The following PNKD variants were observed in gnomAD, a reference collection of about 807,000 sequenced individuals.
PNKD encodes PNKD metallo-beta-lactamase domain containing, also known as probable thioesterase PNKD.
In PNKD, 36 loss-of-function variants were observed where a neutral mutation model predicts 45.3. That is an observed-to-expected ratio of 0.80 (90% CI 0.61 to 1.05). The LOEUF (loss-of-function observed/expected upper bound fraction) is 1.05, where lower values mean the gene tolerates loss of function less well. PNKD is among the 50% of genes least tolerant of loss of function. The probability of loss-of-function intolerance (pLI) is 0.00; values close to 1 mark genes in which losing one functional copy is unlikely to be tolerated. For synonymous variants in PNKD, 197 were observed against 210.1 expected (o/e 0.94, Z 0.54); for missense variants, 511 against 506.6 (o/e 1.01, Z -0.08).
chr2:218,323,860 G>T (rs1460177382), intron 2 of PNKD, among the ~76,000 whole-genome samples: 3 of 152,142 alleles, frequency 2.0e-5, no homozygotes, highest in Non-Finnish European at 4.4e-5. Context: ...CCCACCGTCT[G>T]ACATTTAAAA....
intron 2 of PNKD, among the ~76,000 whole-genome samples, chr2:218,289,625 G>GAA (rs10675061): frequency 0.43 from 38,089 of 87,728 alleles, 9,572 homozygotes; most frequent in Middle Eastern, 0.54. Flanking sequence ...CTGGGCGACA[G>GAA]AAAAAAAAAA....
chr2:218,327,962 GAAA>G (rs72151766), intron 2 of PNKD: 65,667 of 122,370 alleles, frequency 0.54, 18,288 homozygotes, highest in South Asian at 0.68. Flanking sequence ...AACTCCATCT[GAAA>G]AAAAAAAAAA....
At chr2:218,337,903 C>T (rs569933695) in intron 2 of PNKD, among the ~76,000 whole-genome samples, 1 of 152,254 alleles carries the variant, frequency 6.6e-6, no homozygotes, top group Admixed American at 6.5e-5. Context: ...AATCCCAGCA[C>T]TTTGGGAGGC....
chr2:218,315,057 T>TTCCTTCCTTCCTTCCTTC (rs1553667776), intron 2 of PNKD, among the ~76,000 whole-genome samples: 11 of 55,636 alleles, frequency 2.0e-4, no homozygotes, highest in African/African-American at 6.0e-4. Context: ...TTTCTTTCTT[T>TTCCTTCCTTCCTTCCTTC]CTTCCTTCCT....
At chr2:218,304,798 G>A (rs1693365551) in intron 2 of PNKD, among the ~76,000 whole-genome samples, 1 of 151,658 alleles carries the variant, frequency 6.6e-6, no homozygotes, top group African/African-American at 2.4e-5. Context: ...CGACTGGCCG[G>A]GCACAGTGGC....
intron 2 of PNKD, among the ~76,000 whole-genome samples, chr2:218,309,046 C>G (rs1373575759): frequency 6.6e-6 from 1 of 151,960 alleles, no homozygotes; most frequent in Non-Finnish European, 1.5e-5. Context: ...TCAAGATCAG[C>G]CTGGGCAACA....
At chr2:218,278,491 C>G in intron 2 of PNKD, 1 of 1,612,970 alleles carries the variant, frequency 6.2e-7, no homozygotes, top group Non-Finnish European at 8.5e-7. Flanking sequence ...ACCCCTCTCA[C>G]TGTGTTAAGT....
chr2:218,285,050 A>G lies in PNKD; in HGVS notation c.236+13501A>G, dbSNP rs145496323. On this transcript the variant is annotated intron_variant, in intron 2 of 9. Transcript: ENST00000273077. Reference sequence around the variant, plus strand: ...GATTCCAGTGAGCCACAATCGTGCCACTGCACTCCAGCCTGGGTGACAGAG... The same window carrying G: ...GATTCCAGTGAGCCACAATCGTGCCGCTGCACTCCAGCCTGGGTGACAGAG... 2.5e-3 allele frequency among the ~76,000 whole-genome samples: 380 copies of G among 152,352 alleles called. 1 individual carries two copies. The highest frequency in any genetic ancestry group is 7.7e-3 in the African/African-American group (322 of 41,586).
At chr2:218,291,910 A>AT (rs1338560945) in intron 2 of PNKD, among the ~76,000 whole-genome samples, 1 of 151,892 alleles carries the variant, frequency 6.6e-6, no homozygotes, top group Non-Finnish European at 1.5e-5. Context: ...TGAGCTGCTC[A>AT]TTGGCTTCTG....
intron 2 of PNKD, among the ~76,000 whole-genome samples, chr2:218,333,996 T>C: frequency 8.6e-6 from 1 of 116,186 alleles, no homozygotes; most frequent in Non-Finnish European, 2.0e-5. Flanking sequence ...GCACCTGTAA[T>C]AGCAGCTTCT....
At chr2:218,271,115 TGTC>T in intron 1 of PNKD, 1 of 560,078 alleles carries the variant, frequency 1.8e-6, no homozygotes, top group Non-Finnish European at 3.2e-6. Flanking sequence ...CTTCCCATGC[TGTC>T]GTCTGAGGAA....
At chr2:218,293,267 C>T (rs2106245995) in intron 2 of PNKD, among the ~76,000 whole-genome samples, 1 of 152,292 alleles carries the variant, frequency 6.6e-6, no homozygotes, top group East Asian at 1.9e-4. Flanking sequence ...AAGGAGGAAA[C>T]AGTTTTGAGG....
At chr2:218,329,775 TATC>T (rs948387191) in intron 2 of PNKD, among the ~76,000 whole-genome samples, 1 of 152,254 alleles carries the variant, frequency 6.6e-6, no homozygotes, top group Non-Finnish European at 1.5e-5. Context: ...GCTGTTTTGT[TATC>T]TTCTTCAGTT....
At chr2:218,319,371 C>CTTTTTTTTT (rs35553031) in intron 2 of PNKD, among the ~76,000 whole-genome samples, 44 of 80,182 alleles carry the variant, frequency 5.5e-4, no homozygotes, top group Non-Finnish European at 7.5e-4. Context: ...TCTTGTTTGT[C>CTTTTTTTTT]TTTTTTTTTT....
At chr2:218,330,378 C>CT (rs2106282923) in intron 2 of PNKD, among the ~76,000 whole-genome samples, 1 of 152,326 alleles carries the variant, frequency 6.6e-6, no homozygotes, top group South Asian at 2.1e-4. Flanking sequence ...GGAGGGGCGT[C>CT]TGGGGGGGCA....
At chr2:218,282,692 G>A (rs952902463) in intron 2 of PNKD, among the ~76,000 whole-genome samples, 3 of 152,178 alleles carry the variant, frequency 2.0e-5, no homozygotes, top group Non-Finnish European at 2.9e-5. Context: ...GTGGAGAGCC[G>A]GGGGAAGAAG....
chr2:218,311,259 C>A (rs1386857463), intron 2 of PNKD, among the ~76,000 whole-genome samples: 1 of 152,186 alleles, frequency 6.6e-6, no homozygotes, highest in East Asian at 1.9e-4. Flanking sequence ...TTGAAGGGGG[C>A]CAGCCCCTAC....
At chr2:218,304,218 G>A (rs1453774064) in intron 2 of PNKD, among the ~76,000 whole-genome samples, 2 of 151,634 alleles carry the variant, frequency 1.3e-5, no homozygotes, top group African/African-American at 4.8e-5. Flanking sequence ...CAGTGGCGTG[G>A]TCTCAGCTCA....
chr2:218,323,499 CGGGGGCTGGAGCT>C (rs1694055480), intron 2 of PNKD: 1 of 222,682 alleles, frequency 4.5e-6, no homozygotes. Flanking sequence ...GACTGGGAGG[CGGGGGCTGGAGCT>C]GGGGGTGGGC....
Sources: gnomAD v4.1 joint callset for allele counts (sites outside exome capture counted in the v4.1 genomes callset) on GRCh38, gnomAD v4.1.1 for gene constraint, MANE v1.5 for transcripts, NCBI Gene and HGNC (gene_info 2026-07-23, HGNC 2026-07-21) for gene names.